HPCAL1: variants seen among roughly 807,000 people sequenced by gnomAD.
HPCAL1 encodes the protein hippocalcin-like protein 1.
HPCAL1 carries 8 observed loss-of-function variants against 17.1 expected under a neutral mutation model. The observed-to-expected ratio is 0.47, with a 90% CI of 0.27 to 0.84. The LOEUF (loss-of-function observed/expected upper bound fraction) is 0.84, where lower values mean the gene tolerates loss of function less well. HPCAL1 is among the 40% of genes least tolerant of loss of function. The pLI is 0.13. For synonymous variants in HPCAL1, 112 were observed against 111.4 expected (o/e 1.01, Z -0.03); for missense variants, 165 against 271.1 (o/e 0.61, Z 2.75).
intron 1 of HPCAL1, among the ~76,000 whole-genome samples, chr2:10,358,530 G>A (rs951412070): frequency 3.9e-5 from 6 of 152,276 alleles, no homozygotes; most frequent in South Asian, 4.1e-4. Flanking sequence ...TATAAAAACC[G>A]CGAGAGCCTA....
At position 10,400,768 on chromosome 2, in the gene HPCAL1, C is replaced by CACAT. The variant is rs1325135203; in HGVS notation, c.-25+3852_-25+3855dup. Among the ~76,000 whole-genome samples, 13 of 127,574 alleles carry CACAT rather than the reference C, an allele frequency of 1.0e-4. No individual in the cohort carries two copies. The East Asian group carries it at 1.9e-3, about 18-fold the overall frequency. 83.7% of individuals were successfully genotyped at this position (127,574 alleles called of 152,430 possible). A position where few individuals can be genotyped will look rare whatever the true frequency, so the allele number is the denominator to read the frequency against. On this transcript the variant is annotated intron_variant, in intron 2 of 4. Transcript: ENST00000307845. ...GCACACACGTACACACCCACATGCA[C>CACAT]ACATACACACACGCACACACATACA...
chr2:10,350,407 C>A (rs1393835680), intron 1 of HPCAL1, among the ~76,000 whole-genome samples: 1 of 149,808 alleles, frequency 6.7e-6, no homozygotes, highest in African/African-American at 2.5e-5. Context: ...GCTTCTTGGG[C>A]TCAAGCAATC....
chr2:10,426,646 G>T (rs1020469908), intron 4 of HPCAL1, 78 bp from the exon 5 acceptor site: 21 of 1,168,370 alleles, frequency 1.8e-5, no homozygotes, highest in Non-Finnish European at 2.6e-5. Flanking sequence ...TACCTGACCT[G>T]AGAGCTGTCC....
chr2:10,319,588 TG>T (rs1663542505), intron 1 of HPCAL1, among the ~76,000 whole-genome samples: 1 of 1,534 alleles, frequency 6.5e-4, no homozygotes, highest in African/African-American at 1.8e-3. Flanking sequence ...TGGGGTGGGG[TG>T]GGGTGGGGTG....
In HPCAL1 at chr2:10,344,032, A is replaced by T. The variant is rs536955119; in HGVS notation, c.-111+40855A>T. 6.6e-5 allele frequency among the ~76,000 whole-genome samples: 10 copies of T among 152,182 alleles called. No individual in the cohort carries two copies. The highest frequency in any genetic ancestry group is 1.5e-4 in the Non-Finnish European group (10 of 68,024). On this transcript the variant is annotated intron_variant, in intron 1 of 4. Transcript: ENST00000307845. This position sits in a 1 kb window ranked among gnomAD's most constrained non-coding sequence, Gnocchi z 4.9. ...ATCCTGCACAGAGCTGTTGCTTTCTAACTGGGTTACTGAGCTGTCGAAGGA... is the reference window on the plus strand; with the variant it reads ...ATCCTGCACAGAGCTGTTGCTTTCTTACTGGGTTACTGAGCTGTCGAAGGA...
chr2:10,359,518 A>G lies in HPCAL1; in HGVS notation c.-110-37317A>G, dbSNP rs992817938. On this transcript the variant is annotated intron_variant, in intron 1 of 4. Transcript: ENST00000307845. The surrounding 1 kb of genome is among the most constrained non-coding windows in gnomAD (Gnocchi z 4.1). ...GAGGCAGAGTTGGCCCAGAGGGAAC[A>G]TTTCTCCCACCCTCTGTCCCTCGGG... Among the ~76,000 whole-genome samples, 1 of 152,164 alleles carries G rather than the reference A, an allele frequency of 6.6e-6. No homozygotes were observed. The highest frequency in any genetic ancestry group is 2.4e-5 in the African/African-American group (1 of 41,442).
intron 1 of HPCAL1, among the ~76,000 whole-genome samples, chr2:10,396,573 C>T (rs74748474): frequency 2.4e-4 from 36 of 152,338 alleles, no homozygotes; most frequent in Middle Eastern, 3.4e-3. Context: ...CAACCTCACT[C>T]GAAGGGTGGC....
rs189517826 is a variant in HPCAL1, at chr2:10,317,679, A to G, written c.-111+14502A>G. On this transcript the variant is annotated intron_variant, in intron 1 of 4. Coordinates refer to ENST00000307845, the MANE Select transcript of HPCAL1 (RefSeq NM_002149.4). ...GTGATCCACCCACCTTGGCTTCCCA[A>G]AGTGCTGGGATTACAGGTGTAAACC... Among the ~76,000 whole-genome samples, 461 of 152,318 alleles carry G rather than the reference A, an allele frequency of 3.0e-3. 3 individuals are homozygous for G. The highest frequency in any genetic ancestry group is 0.027 in the Middle Eastern group (8 of 294).
chr2:10,336,758 C>T (rs962465249), intron 1 of HPCAL1, among the ~76,000 whole-genome samples: 4 of 152,146 alleles, frequency 2.6e-5, no homozygotes, highest in African/African-American at 9.7e-5. Flanking sequence ...TGTTTTTCCT[C>T]TTTAGAGACA....
chr2:10,371,954 C>T (rs1165176790), intron 1 of HPCAL1, among the ~76,000 whole-genome samples: 2 of 152,226 alleles, frequency 1.3e-5, no homozygotes, highest in African/African-American at 2.4e-5. Context: ...GGCCCGCCAG[C>T]GCCTCAGATG....
At chr2:10,337,598 C>CA (rs1664795840) in intron 1 of HPCAL1, among the ~76,000 whole-genome samples, 1 of 152,210 alleles carries the variant, frequency 6.6e-6, no homozygotes, top group Admixed American at 6.5e-5. Flanking sequence ...CCTCCACTGA[C>CA]AAGGTGCCTG....
At chr2:10,349,960 A>G (rs1665738042) in intron 1 of HPCAL1, among the ~76,000 whole-genome samples, 1 of 152,054 alleles carries the variant, frequency 6.6e-6, no homozygotes, top group South Asian at 2.1e-4. Context: ...AACTAGCACC[A>G]AATCCTTGCC....
At chr2:10,357,076 G>A (rs1487354754) in intron 1 of HPCAL1, among the ~76,000 whole-genome samples, 1 of 152,126 alleles carries the variant, frequency 6.6e-6, no homozygotes, top group African/African-American at 2.4e-5. Flanking sequence ...TTGCACCACT[G>A]CACTCCAGCC....
chr2:10,367,613 G>T lies in HPCAL1; in HGVS notation c.-110-29222G>T, dbSNP rs1392672505. The stretch of plus-strand genomic sequence containing the variant: ...ACAATCACTGTCATCCCACGGGTTG[G>T]TTTAGATGTAAATTTTATGCTTCCT... On this transcript the variant is annotated intron_variant, in intron 1 of 4. Coordinates refer to ENST00000307845, the MANE Select transcript of HPCAL1 (RefSeq NM_002149.4). This position sits in a 1 kb window ranked among gnomAD's most constrained non-coding sequence, Gnocchi z 4.4. 6.6e-6 allele frequency among the ~76,000 whole-genome samples: 1 copy of T among 152,152 alleles called. No individual in the cohort carries two copies. The highest frequency in any genetic ancestry group is 1.5e-5 in the Non-Finnish European group (1 of 68,026).
At chr2:10,314,297 TG>T (rs1663165528) in intron 1 of HPCAL1, among the ~76,000 whole-genome samples, 1 of 141,776 alleles carries the variant, frequency 7.1e-6, no homozygotes, top group Non-Finnish European at 1.5e-5. Context: ...GGTGCAGGGG[TG>T]GGGGGTGGCA....
chr2:10,333,303 G>A (rs1664504215), intron 1 of HPCAL1, among the ~76,000 whole-genome samples: 1 of 152,214 alleles, frequency 6.6e-6, no homozygotes, highest in South Asian at 2.1e-4. Context: ...CTGTCTTGGG[G>A]AACTGGTGTA....
In HPCAL1 at chr2:10,395,512, T is replaced by C. The variant is rs1668966090; in HGVS notation, c.-110-1323T>C. ...GAGGGGAGAGGTGCAGCACCCCCATTGTGCAGGAGCGAGGGGAGCCCCGCT... is the reference window on the plus strand; with the variant it reads ...GAGGGGAGAGGTGCAGCACCCCCATCGTGCAGGAGCGAGGGGAGCCCCGCT... On this transcript the variant is annotated intron_variant, in intron 1 of 4. Transcript: ENST00000307845. This position sits in a 1 kb window ranked among gnomAD's most constrained non-coding sequence, Gnocchi z 4.4. 6.6e-6 allele frequency among the ~76,000 whole-genome samples: 1 copy of C among 152,120 alleles called. No homozygotes were observed. Among genetic ancestry groups the C allele is most frequent in the South Asian group, 2.1e-4 (1 of 4,830 alleles).
chr2:10,373,918 G>A (rs1667385996), intron 1 of HPCAL1, among the ~76,000 whole-genome samples: 1 of 152,234 alleles, frequency 6.6e-6, no homozygotes, highest in South Asian at 2.1e-4. Flanking sequence ...CATCACAGGG[G>A]CTTCTGCGGG....
intron 4 of HPCAL1, chr2:10,423,368 C>T (rs892988043): frequency 3.0e-5 from 12 of 395,744 alleles, no homozygotes; most frequent in African/African-American, 1.6e-4. Flanking sequence ...CCCATATTCC[C>T]GTGGGTACAA....
Sources: allele counts gnomAD v4.1 joint callset (sites outside exome capture counted in the v4.1 genomes callset), GRCh38; gene constraint gnomAD v4.1.1; non-coding constraint Gnocchi (gnomAD v3.1); transcripts MANE v1.5; gene names NCBI Gene and HGNC (gene_info 2026-07-23, HGNC 2026-07-21).